The following TSPAN32 variants were observed in gnomAD, a reference collection of about 807,000 sequenced individuals.
The protein encoded by TSPAN32 is tetraspanin 32, also known as tetraspanin-32.
A neutral mutation model predicts 42.7 loss-of-function variants in TSPAN32; 47 were observed. That is an observed-to-expected ratio of 1.10 (90% CI 0.87 to 1.40). The LOEUF (loss-of-function observed/expected upper bound fraction) is 1.40, where lower values mean the gene tolerates loss of function less well. Ranked by LOEUF, TSPAN32 falls within the 40% of genes most tolerant of loss-of-function variation. The pLI is 0.00. For missense variants in TSPAN32, 469 were observed against 424.1 expected, an observed-to-expected ratio of 1.11 and a Z score of -0.93; for synonymous variants, 175 against 175.9, an observed-to-expected ratio of 0.99 and a Z score of 0.04.
chr11:2,302,041 G>T lies in TSPAN32; in HGVS notation c.-109G>T, dbSNP rs996455444. ...GCGATGTTGACAGACAGACAGAGGG[G>T]CGGATGCAGCCTACCTCCTGGGCAG... On this transcript the variant is annotated 5_prime_UTR_variant, in exon 1 of 10. Transcript: ENST00000182290. 6.7e-7 allele frequency: 1 copy of T among 1,495,252 alleles called. No homozygotes were observed. Among genetic ancestry groups the T allele is most frequent in the South Asian group, 1.4e-5 (1 of 72,424 alleles). The allele number at this position is 1,495,252 out of a possible 1,614,324, so 92.6% of individuals were successfully genotyped here.
At chr11:2,309,386 A>T (rs1480910180) in intron 4 of TSPAN32, 1 of 468,560 alleles carries the variant, frequency 2.1e-6, no homozygotes, top group East Asian at 7.0e-5. Flanking sequence ...GACCGTGGGC[A>T]GGGGCCAAGG....
intron 6 of TSPAN32, chr11:2,315,944 G>T (rs571053970): frequency 1.3e-6 from 2 of 1,523,578 alleles, no homozygotes; most frequent in East Asian, 2.5e-5. Flanking sequence ...GGGAGCCAAC[G>T]TGTGGCCCAA....
intron 4 of TSPAN32, among the ~76,000 whole-genome samples, chr11:2,310,831 G>A (rs1402081494): frequency 6.6e-6 from 1 of 152,230 alleles, no homozygotes; most frequent in African/African-American, 2.4e-5. Flanking sequence ...AAGCTGTCCT[G>A]GGTGTGGATG....
At chr11:2,303,359 A>C in intron 2 of TSPAN32, 1 of 159,530 alleles carries the variant, frequency 6.3e-6, no homozygotes, top group South Asian at 7.9e-5. Context: ...AGGACCTGGG[A>C]TGTGGGTGGG....
intron 6 of TSPAN32, chr11:2,316,018 A>G (rs1243463954): frequency 1.3e-6 from 2 of 1,534,404 alleles, no homozygotes; most frequent in Admixed American, 3.9e-5. Context: ...CAGAGTGCCC[A>G]CAGAGGCCAG....
intron 4 of TSPAN32, chr11:2,309,281 G>A (rs1463764828): frequency 6.6e-6 from 3 of 455,578 alleles, no homozygotes; most frequent in Admixed American, 4.7e-5. Flanking sequence ...GGAGACCCGC[G>A]GACTGGGGTG....
rs752051464 is a variant in TSPAN32 at position 2,314,534 on chromosome 11, A to T, written c.506A>T (p.Glu169Val). Residue 169 changes from glutamate (E) to valine (V), a missense_variant, in exon 6 of 10, where the codon GAG (glutamate) becomes GTG (valine). Transcript: ENST00000182290. ...CCTTTCAGCCGTCTGGGGAGCACAG[A>T]GGCTGACCTGTGTCAGGGAGAGGAG... Reference protein sequence around the residue: ...KSPFSRLGSTEADLCQGEEAA... With the variant: ...KSPFSRLGSTVADLCQGEEAA... 1.9e-6 allele frequency: 3 copies of T among 1,612,456 alleles called. No homozygotes were observed. The highest frequency in any genetic ancestry group is 1.7e-6 in the Non-Finnish European group (2 of 1,179,392).
intron 4 of TSPAN32, among the ~76,000 whole-genome samples, chr11:2,309,798 C>T (rs1355287580): frequency 6.6e-6 from 1 of 151,924 alleles, no homozygotes; most frequent in Non-Finnish European, 1.5e-5. Flanking sequence ...GTGGTCCCCA[C>T]CGTGGTTTGC....
intron 6 of TSPAN32, chr11:2,315,622 G>A (rs1356170046): frequency 5.3e-5 from 63 of 1,183,530 alleles, no homozygotes; most frequent in Non-Finnish European, 6.1e-5. Flanking sequence ...GCGGGGGACA[G>A]GAGGGTGAGC....
chr11:2,306,007 A>AGTGT (rs146812694), intron 3 of TSPAN32, among the ~76,000 whole-genome samples: 1 of 145,730 alleles, frequency 6.9e-6, no homozygotes, highest in Non-Finnish European at 1.5e-5. Flanking sequence ...CATGTGCATG[A>AGTGT]GTGTGTGTGT....
rs1249346035 is a variant in TSPAN32 at position 2,302,086 on chromosome 11, C to T, written c.-64C>T. Reference sequence around the variant, plus strand: ...GGGCAGTGAGCTGCGGTCTGAGGCCCCTGCCCAGCTGGAAACCACAGGGAG... The same window carrying T: ...GGGCAGTGAGCTGCGGTCTGAGGCCTCTGCCCAGCTGGAAACCACAGGGAG... On this transcript the variant is annotated 5_prime_UTR_variant, in exon 1 of 10. Coordinates refer to ENST00000182290, the MANE Select transcript of TSPAN32 (RefSeq NM_139022.3). The T allele has an allele frequency of 6.7e-7, 1 of 1,486,900 alleles. No homozygotes were observed. Among genetic ancestry groups the T allele is most frequent in the South Asian group, 1.4e-5 (1 of 69,962 alleles). 92.1% of individuals were successfully genotyped at this position (1,486,900 alleles called of 1,614,324 possible). A position where few individuals can be genotyped will look rare whatever the true frequency, so the allele number is the denominator to read the frequency against.
At position 2,310,806 on chromosome 11, in the gene TSPAN32, C is replaced by T. The variant is rs1177537086; in HGVS notation, c.354+1996C>T. On this transcript the variant is annotated intron_variant, in intron 4 of 9. Transcript: ENST00000182290. Reference sequence around the variant, plus strand: ...CGTTGCCCAGGCTGGTCCTCCAGGACGTGGGACTTGCTCGAAGCTGTCCTG... The same window carrying T: ...CGTTGCCCAGGCTGGTCCTCCAGGATGTGGGACTTGCTCGAAGCTGTCCTG... 3.9e-5 allele frequency among the ~76,000 whole-genome samples: 6 copies of T among 152,218 alleles called. No homozygotes were observed. The East Asian group carries it at 9.6e-4, about 24-fold the overall frequency.
intron 6 of TSPAN32, chr11:2,315,745 C>T: frequency 3.2e-6 from 4 of 1,240,606 alleles, no homozygotes; most frequent in Non-Finnish European, 4.2e-6. Context: ...GTGCCATGCC[C>T]TGGGGTGGCA....
At chr11:2,307,337 T>C (rs1182944373) in intron 3 of TSPAN32, among the ~76,000 whole-genome samples, 1 of 152,196 alleles carries the variant, frequency 6.6e-6, no homozygotes, top group African/African-American at 2.4e-5. Flanking sequence ...TCACCCTGAA[T>C]GGGGCCCCAG....
chr11:2,305,284 A>G (rs1050439588), intron 3 of TSPAN32, among the ~76,000 whole-genome samples: 8 of 151,708 alleles, frequency 5.3e-5, no homozygotes, highest in African/African-American at 1.7e-4. Flanking sequence ...GCACACGAGC[A>G]TGGGCAGGGA....
chr11:2,309,454 G>A (rs930824798), intron 4 of TSPAN32: 3 of 438,108 alleles, frequency 6.8e-6, no homozygotes, highest in Non-Finnish European at 1.4e-5. Flanking sequence ...TGGCCCAGCA[G>A]AGAATGAGAG....
intron 4 of TSPAN32, among the ~76,000 whole-genome samples, chr11:2,312,656 G>A (rs1438822301): frequency 6.6e-6 from 1 of 152,198 alleles, no homozygotes; most frequent in African/African-American, 2.4e-5. Context: ...ACGGGGGCTG[G>A]GCCCCAGTGC....
intron 6 of TSPAN32, chr11:2,315,639 A>T: frequency 1.7e-6 from 2 of 1,186,488 alleles, no homozygotes; most frequent in Non-Finnish European, 2.1e-6. Context: ...GAGCCCTGAG[A>T]CCCTGCGGAG....
chr11:2,313,834 C>A lies in TSPAN32; in HGVS notation c.456+79C>A. The A allele has an allele frequency of 8.4e-7, 1 of 1,185,126 alleles. No individual in the cohort carries two copies. Among genetic ancestry groups the A allele is most frequent in the Non-Finnish European group, 1.2e-6 (1 of 834,606 alleles). 73.4% of individuals were successfully genotyped at this position (1,185,126 alleles called of 1,614,324 possible). A position where few individuals can be genotyped will look rare whatever the true frequency, so the allele number is the denominator to read the frequency against. On this transcript the variant is annotated intron_variant, in intron 5 of 9. Transcript: ENST00000182290. The surrounding 1 kb of genome is among the most constrained non-coding windows in gnomAD (Gnocchi z 9.1). ...GTTCAGAGAACAGGCGCAGGGTGGC[C>A]AGTGAGAGGTCTGGCCAGGCACCGA...
Sources: allele counts gnomAD v4.1 joint callset (sites outside exome capture counted in the v4.1 genomes callset), GRCh38; gene constraint gnomAD v4.1.1; non-coding constraint Gnocchi (gnomAD v3.1); transcripts MANE v1.5; gene names NCBI Gene and HGNC (gene_info 2026-07-23, HGNC 2026-07-21).